The following PAX2 variants were observed in gnomAD, a reference collection of about 807,000 sequenced individuals.
PAX2 encodes paired box protein Pax-2.
In PAX2, 9 loss-of-function variants were observed where a neutral mutation model predicts 41.7. The observed-to-expected ratio is 0.22, with a 90% CI of 0.13 to 0.38. The LOEUF is 0.38. PAX2 is among the 10% of genes least tolerant of loss of function. The pLI is 1.00. For missense variants in PAX2, 418 were observed against 531.6 expected (o/e 0.79, Z 2.10); for synonymous variants, 221 against 212.7 (o/e 1.04, Z -0.34).
At chr10:100,802,059 G>A (rs552051900) in intron 5 of PAX2, among the ~76,000 whole-genome samples, 197 of 152,334 alleles carry the variant, frequency 1.3e-3, no homozygotes, top group African/African-American at 4.5e-3. Context: ...GAGCTGGGCA[G>A]GGGGCAGACG....
intron 7 of PAX2, among the ~76,000 whole-genome samples, chr10:100,810,018 G>A (rs112194839): frequency 9.2e-5 from 14 of 152,290 alleles, no homozygotes; most frequent in African/African-American, 1.9e-4. Context: ...GGAGAGACAC[G>A]CATTGAGGTG....
chr10:100,742,843 C>CTTTTTTTTTTTTTTTTT (rs61627823), upstream of PAX2, among the ~76,000 whole-genome samples: 46 of 41,260 alleles, frequency 1.1e-3, 17 homozygotes, highest in Non-Finnish European at 1.4e-3. Flanking sequence ...TTCTTTCTTC[C>CTTTTTTTTTTTTTTTTT]TTTTTTTTTT....
At chr10:100,819,869 T>A (rs889396190) in intron 7 of PAX2, among the ~76,000 whole-genome samples, 2 of 152,234 alleles carry the variant, frequency 1.3e-5, no homozygotes, top group African/African-American at 4.8e-5. Flanking sequence ...TCCAAAGCAG[T>A]TGATTTGATC....
chr10:100,800,906 C>G (rs1847539883), intron 5 of PAX2, among the ~76,000 whole-genome samples: 1 of 152,198 alleles, frequency 6.6e-6, no homozygotes, highest in African/African-American at 2.4e-5. Flanking sequence ...ACTAATTGCA[C>G]AAAGCCTGGA....
intron 2 of PAX2, 40 bp downstream of exon 2, chr10:100,749,954 C>T: frequency 6.2e-7 from 1 of 1,600,360 alleles, no homozygotes; most frequent in Non-Finnish European, 8.5e-7. Flanking sequence ...GCCTTGCCTA[C>T]TTCCCCGGCC....
rs756976303 is a variant in PAX2 at position 100,747,666 on chromosome 10, T to TGG, written c.43+1370_43+1371dup. ...ATCATATATTTAGCGTTGCGGGGGTTGGGGGGGGCGTTTAAAAATACTTCT... is the reference window on the plus strand; with the variant it reads ...ATCATATATTTAGCGTTGCGGGGGTTGGGGGGGGGGCGTTTAAAAATACTTCT... On this transcript the variant is annotated intron_variant, in intron 1 of 9. Coordinates refer to ENST00000355243, the MANE Select transcript of PAX2 (RefSeq NM_000278.5). The TGG allele has an allele frequency of 2.4e-4, 238 of 975,952 alleles. No individual in the cohort carries two copies. In the African/African-American group the frequency reaches 3.5e-3, roughly 15 times the overall value. 60.5% of individuals were successfully genotyped at this position (975,952 alleles called of 1,614,324 possible).
chr10:100,782,622 G>T (rs560764030), intron 5 of PAX2, among the ~76,000 whole-genome samples: 3 of 152,382 alleles, frequency 2.0e-5, no homozygotes, highest in Admixed American at 2.0e-4. Flanking sequence ...ACCTGGCGCT[G>T]GCCTCCTTCC....
At position 100,746,384 on chromosome 10, in the gene PAX2, C is replaced by A; in HGVS notation, c.43+81C>A. 5 of 997,212 alleles carry A rather than the reference C, an allele frequency of 5.0e-6. No individual in the cohort carries two copies. In the Admixed American group the frequency reaches 8.4e-5, roughly 17 times the overall value. The allele number at this position is 997,212 out of a possible 1,614,324, so 61.8% of individuals were successfully genotyped here. On this transcript the variant is annotated intron_variant, in intron 1 of 9. Transcript: ENST00000355243. ...TCCAGTCCCAGCGTGGCCCCGGCCC[C>A]TCGCGCTCAGGTCCCATCTTGGAGG...
In PAX2 at chr10:100,827,040, C is replaced by A; in HGVS notation, c.1053C>A (p.His351Gln). 1 of 1,613,530 alleles carries A rather than the reference C, an allele frequency of 6.2e-7. No homozygotes were observed. Among genetic ancestry groups the A allele is most frequent in the Non-Finnish European group, 8.5e-7 (1 of 1,179,490 alleles). The change falls in exon 9 of 10, where the codon CAC becomes CAA. Residue 351 changes from histidine to glutamine, a missense_variant. By Grantham distance (24) the His-to-Gln change is conservative (BLOSUM62 0). Around this residue, in one of 2 missense-constraint regions of PAX2, gnomAD observed 310 missense variants for 325.2 expected, o/e 0.95. Coordinates refer to ENST00000355243, the MANE Select transcript of PAX2 (RefSeq NM_000278.5). This position sits in a 1 kb window ranked among gnomAD's most constrained non-coding sequence, Gnocchi z 8.5. ...AGTTCTCCGGCAACCCGTACAGCCA[C>A]CCCCAGTACACGGCCTACAACGAGG... is the stretch of plus-strand genomic sequence containing the variant. ...GSEFSGNPYS[H>Q]PQYTAYNEAW...
chr10:100,784,992 G>A (rs1846789915), intron 5 of PAX2, among the ~76,000 whole-genome samples: 1 of 152,214 alleles, frequency 6.6e-6, no homozygotes, highest in Non-Finnish European at 1.5e-5. Flanking sequence ...AGGAAGTTAT[G>A]TTCTGAAGCA....
intron 3 of PAX2, among the ~76,000 whole-genome samples, chr10:100,771,227 G>A (rs982788413): frequency 3.3e-5 from 5 of 152,196 alleles, no homozygotes; most frequent in African/African-American, 9.6e-5. Context: ...CCTGGAACCT[G>A]TGTATTCCAG....
upstream of PAX2, among the ~76,000 whole-genome samples, chr10:100,741,632 T>G (rs1023836290): frequency 1.3e-5 from 2 of 152,048 alleles, no homozygotes; most frequent in Non-Finnish European, 2.9e-5. Context: ...TGAGCCTCGG[T>G]TGGTCGGCTC....
chr10:100,757,720 G>A (rs1199791767), intron 3 of PAX2, among the ~76,000 whole-genome samples: 2 of 152,236 alleles, frequency 1.3e-5, no homozygotes, highest in African/African-American at 2.4e-5. Flanking sequence ...AGGTGTGAGG[G>A]GCATAGGGAA....
At chr10:100,761,154 G>A (rs868208889) in intron 3 of PAX2, among the ~76,000 whole-genome samples, 2 of 152,020 alleles carry the variant, frequency 1.3e-5, no homozygotes, top group Non-Finnish European at 1.5e-5. Context: ...CTAGTTTTTG[G>A]CCACAGAAAT....
At chr10:100,806,706 T>C in intron 6 of PAX2, 101 bp downstream of exon 6, 2 of 986,942 alleles carry the variant, frequency 2.0e-6, no homozygotes, top group Non-Finnish European at 3.2e-6. Flanking sequence ...GCCAGCATTG[T>C]ATGTGTTACA....
Position 100,745,748 on chromosome 10 carries a change from C to G in PAX2, c.-513C>G. 9.6e-7 allele frequency: 1 copy of G among 1,043,836 alleles called. No homozygotes were observed. Among genetic ancestry groups the G allele is most frequent in the Non-Finnish European group, 1.2e-6 (1 of 865,752 alleles). The allele number at this position is 1,043,836 out of a possible 1,614,324, so 64.7% of individuals were successfully genotyped here. ...CCGCGCGCTCCCCTCCCGCAGGCGC[C>G]ACCTCGGACATCCCCGGGATTGCTA... On this transcript the variant is annotated 5_prime_UTR_variant, in exon 1 of 10. Coordinates refer to ENST00000355243, the MANE Select transcript of PAX2 (RefSeq NM_000278.5).
chr10:100,794,337 A>T (rs1410460513), intron 5 of PAX2, among the ~76,000 whole-genome samples: 2 of 152,238 alleles, frequency 1.3e-5, no homozygotes, highest in Admixed American at 6.5e-5. Context: ...ACTTTGACTC[A>T]TTACATAATA....
rs1195416023 is a variant in PAX2 at position 100,749,953 on chromosome 10, A to T, written c.212+39A>T. 4.4e-6 allele frequency: 7 copies of T among 1,601,576 alleles called. No individual in the cohort carries two copies. In the Admixed American group the frequency reaches 5.1e-5, roughly 12 times the overall value. ...AGCTGTCCCGGGAGACGCCTTGCCT[A>T]CTTCCCCGGCCAGCCCTGGGTCTCC... On this transcript the variant is annotated intron_variant, in intron 2 of 9. Coordinates refer to ENST00000355243, the MANE Select transcript of PAX2 (RefSeq NM_000278.5).
At chr10:100,808,176 C>G (rs1847861230) in intron 6 of PAX2, among the ~76,000 whole-genome samples, 2 of 152,206 alleles carry the variant, frequency 1.3e-5, no homozygotes, top group Admixed American at 1.3e-4. Flanking sequence ...TCTCCGATCA[C>G]AGCGAATTAC....
Sources: gnomAD v4.1 joint callset for allele counts (sites outside exome capture counted in the v4.1 genomes callset) on GRCh38, gnomAD v4.1.1 for gene constraint, gnomAD v4.1.1 regional missense constraint, Gnocchi (gnomAD v3.1) non-coding constraint, MANE v1.5 for transcripts, NCBI Gene and HGNC (gene_info 2026-07-23, HGNC 2026-07-21) for gene names.